The following ADGRB3 variants were observed in gnomAD, a reference collection of about 807,000 sequenced individuals.
ADGRB3 encodes brain-specific angiogenesis inhibitor 3.
A neutral mutation model predicts 193.4 loss-of-function variants in ADGRB3; 37 were observed. That is an observed-to-expected ratio of 0.19 (90% confidence interval 0.15 to 0.25). The LOEUF (loss-of-function observed/expected upper bound fraction) is 0.25, where lower values mean the gene tolerates loss of function less well. ADGRB3 is among the 10% of genes least tolerant of loss of function. The probability of loss-of-function intolerance (pLI) is 1.00; values close to 1 mark genes in which losing one functional copy is unlikely to be tolerated. For synonymous variants in ADGRB3, 690 were observed against 644.2 expected (o/e 1.07, Z -1.08); for missense variants, 1,637 against 1,852.9 (o/e 0.88, Z 2.14).
At chr6:69,016,761 A>G (rs112484224) in intron 12 of ADGRB3, among the ~76,000 whole-genome samples, 3 of 152,030 alleles carry the variant, frequency 2.0e-5, no homozygotes, top group African/African-American at 4.8e-5. Context: ...TTGCAAAGAG[A>G]AAAAGTGCTT....
intron 22 of ADGRB3, among the ~76,000 whole-genome samples, chr6:69,328,885 G>T (rs1454103871): frequency 6.6e-6 from 1 of 151,928 alleles, no homozygotes; most frequent in Admixed American, 6.6e-5. Context: ...TCTATTTTTG[G>T]AAAGTCACTG....
At chr6:68,841,840 T>C (rs1199954378) in intron 3 of ADGRB3, among the ~76,000 whole-genome samples, 1 of 151,856 alleles carries the variant, frequency 6.6e-6, no homozygotes. Flanking sequence ...AGATAGAAAA[T>C]AGAAAGATGG....
intron 10 of ADGRB3, among the ~76,000 whole-genome samples, chr6:68,988,763 C>T (rs1026869417): frequency 6.6e-6 from 1 of 152,114 alleles, no homozygotes; most frequent in Non-Finnish European, 1.5e-5. Flanking sequence ...AGCAGCGATG[C>T]CCTTCCAAGC....
At position 68,956,305 on chromosome 6, in the gene ADGRB3, G is replaced by A. The variant is rs116993255; in HGVS notation, c.1360+117G>A. ...GAAGATAATCATTATATATATATGT[G>A]TGTGTGTGTGTGTGTGTGTGTGTAT... On this transcript the variant is annotated intron_variant, in intron 7 of 31. Transcript: ENST00000370598. The A allele has an allele frequency of 0.18, 130,909 of 721,742 alleles. 9,627 individuals carry two copies. Among genetic ancestry groups the A allele is most frequent in the Non-Finnish European group, 0.21 (103,243 of 500,878 alleles). The allele number at this position is 721,742 out of a possible 1,614,324, so 44.7% of individuals were successfully genotyped here. A position where few individuals can be genotyped will look rare whatever the true frequency, so the allele number is the denominator to read the frequency against.
At chr6:68,662,579 T>A (rs1285605129) in intron 3 of ADGRB3, among the ~76,000 whole-genome samples, 7 of 151,502 alleles carry the variant, frequency 4.6e-5, no homozygotes, top group Non-Finnish European at 1.0e-4. Flanking sequence ...AACAATTGCT[T>A]TAGGAGTCTG....
At chr6:69,228,067 A>G (rs1766056588) in intron 17 of ADGRB3, among the ~76,000 whole-genome samples, 1 of 152,068 alleles carries the variant, frequency 6.6e-6, no homozygotes, top group Non-Finnish European at 1.5e-5. Flanking sequence ...ACCAGGCTGG[A>G]CAACATGGTG....
intron 3 of ADGRB3, among the ~76,000 whole-genome samples, chr6:68,775,622 C>T (rs1340400893): frequency 6.6e-6 from 1 of 152,096 alleles, no homozygotes; most frequent in Non-Finnish European, 1.5e-5. Flanking sequence ...AGGAACCCTG[C>T]AACTGATTCA....
At chr6:68,792,901 A>C (rs1377314380) in intron 3 of ADGRB3, among the ~76,000 whole-genome samples, 1 of 152,190 alleles carries the variant, frequency 6.6e-6, no homozygotes, top group Non-Finnish European at 1.5e-5. Flanking sequence ...CAGCAAAGTT[A>C]ACCCCTGGTC....
intron 20 of ADGRB3, among the ~76,000 whole-genome samples, chr6:69,254,318 G>A (rs553603463): frequency 6.6e-6 from 1 of 152,186 alleles, no homozygotes; most frequent in African/African-American, 2.4e-5. Flanking sequence ...TATTATTCAA[G>A]ACGTAAAATA....
intron 3 of ADGRB3, among the ~76,000 whole-genome samples, chr6:68,681,818 C>T (rs1168919933): frequency 6.6e-6 from 1 of 152,048 alleles, no homozygotes; most frequent in African/African-American, 2.4e-5. Flanking sequence ...CTGTTCATTC[C>T]AAATTTGATA....
chr6:68,753,212 C>G (rs1016127885), intron 3 of ADGRB3, among the ~76,000 whole-genome samples: 1 of 152,142 alleles, frequency 6.6e-6, no homozygotes, highest in Non-Finnish European at 1.5e-5. Flanking sequence ...ATCTGTAATA[C>G]TTAACTTGCC....
At chr6:68,815,965 A>C (rs1767625185) in intron 3 of ADGRB3, among the ~76,000 whole-genome samples, 2 of 151,978 alleles carry the variant, frequency 1.3e-5, no homozygotes, top group African/African-American at 2.4e-5. Flanking sequence ...CTTACAACAT[A>C]CTTTCTTCTG....
chr6:69,026,042 T>G (rs1770424979), intron 13 of ADGRB3, among the ~76,000 whole-genome samples: 1 of 152,192 alleles, frequency 6.6e-6, no homozygotes, highest in Admixed American at 6.5e-5. Flanking sequence ...TTAACCAGCT[T>G]TAAGAGGTCT....
chr6:68,902,854 A>T (rs1005956581), intron 3 of ADGRB3, among the ~76,000 whole-genome samples: 3 of 152,142 alleles, frequency 2.0e-5, no homozygotes, highest in Non-Finnish European at 2.9e-5. Context: ...CTCACCTCAC[A>T]TATATGATTT....
intron 17 of ADGRB3, among the ~76,000 whole-genome samples, chr6:69,101,797 G>C (rs190392298): frequency 3.7e-4 from 57 of 152,118 alleles, no homozygotes; most frequent in Admixed American, 3.7e-3. Context: ...GCACAGAGAG[G>C]TATAAAATTT....
chr6:69,122,169 T>A (rs919343674), intron 17 of ADGRB3, among the ~76,000 whole-genome samples: 1 of 151,684 alleles, frequency 6.6e-6, no homozygotes, highest in Non-Finnish European at 1.5e-5. Flanking sequence ...ACAGTGAGCA[T>A]TGGGTGGGCG....
chr6:68,861,065 G>A (rs551811240), intron 3 of ADGRB3, among the ~76,000 whole-genome samples: 1 of 152,240 alleles, frequency 6.6e-6, no homozygotes, highest in East Asian at 1.9e-4. Context: ...GGACCCTGGA[G>A]AGAGTCTTGA....
At chr6:68,996,237 A>G (rs1441482736) in intron 11 of ADGRB3, among the ~76,000 whole-genome samples, 1 of 151,958 alleles carries the variant, frequency 6.6e-6, no homozygotes, top group African/African-American at 2.4e-5. Flanking sequence ...TGCCTCTTTC[A>G]TCCATTCTTT....
chr6:68,941,587 T>G (rs886637180), intron 5 of ADGRB3, among the ~76,000 whole-genome samples: 1 of 151,114 alleles, frequency 6.6e-6, no homozygotes, highest in African/African-American at 2.4e-5. Flanking sequence ...AAAAAAAAAA[T>G]GAGCGGAAGC....
Sources: allele counts gnomAD v4.1 joint callset (sites outside exome capture counted in the v4.1 genomes callset), GRCh38; gene constraint gnomAD v4.1.1; transcripts MANE v1.5; gene names NCBI Gene and HGNC (gene_info 2026-07-23, HGNC 2026-07-21).